The following LINGO2 variants were observed in gnomAD, a reference collection of about 807,000 sequenced individuals.
LINGO2 encodes leucine-rich repeat and immunoglobulin-like domain-containing nogo receptor-interacting protein 2.
In LINGO2, 14 loss-of-function variants were observed where a neutral mutation model predicts 30.6. That is an observed-to-expected ratio of 0.46 (90% confidence interval 0.30 to 0.72). The LOEUF (loss-of-function observed/expected upper bound fraction) is 0.72, where lower values mean the gene tolerates loss of function less well. Among genes scored for constraint, LINGO2 ranks in the 30% least tolerant of loss-of-function variants. The pLI, the probability that LINGO2 is intolerant of heterozygous loss-of-function variation, is 0.07. For synonymous variants in LINGO2, 317 were observed against 288.5 expected, an observed-to-expected ratio of 1.10 and a Z score of -1.00; for missense variants, 729 against 751.7, an observed-to-expected ratio of 0.97 and a Z score of 0.35.
the LINGO2 span, among the ~76,000 whole-genome samples, chr9:28,904,657 T>C: frequency 6.6e-6 from 1 of 152,002 alleles, no homozygotes; most frequent in Admixed American, 6.6e-5. Context: ...GTGAATGGCC[T>C]GTACACTCAA....
At chr9:28,508,460 T>C (rs946389460) in intron 1 of LINGO2, among the ~76,000 whole-genome samples, 1 of 152,048 alleles carries the variant, frequency 6.6e-6, no homozygotes, top group Admixed American at 6.6e-5. Context: ...CTTATCCTCT[T>C]TACTTATTTT....
chr9:28,984,598 G>C, the LINGO2 span, among the ~76,000 whole-genome samples: 1 of 151,938 alleles, frequency 6.6e-6, no homozygotes, highest in Non-Finnish European at 1.5e-5. Flanking sequence ...GAAATAAAAT[G>C]AATGACAGAT....
intron 4 of LINGO2, among the ~76,000 whole-genome samples, chr9:28,027,563 C>A (rs1268115488): frequency 1.3e-5 from 2 of 152,098 alleles, no homozygotes; most frequent in Non-Finnish European, 2.9e-5. Context: ...CTGTCTAATC[C>A]TACAGGTGGA....
the LINGO2 span, among the ~76,000 whole-genome samples, chr9:28,999,543 G>A: frequency 6.6e-6 from 1 of 151,868 alleles, no homozygotes; most frequent in South Asian, 2.1e-4. Context: ...CAGAATTCTT[G>A]TAATAACTTC....
chr9:28,772,692 T>C, the LINGO2 span, among the ~76,000 whole-genome samples: 1 of 152,208 alleles, frequency 6.6e-6, no homozygotes, highest in African/African-American at 2.4e-5. Flanking sequence ...TTAAGAGGGA[T>C]AGGCTTTGTA....
chr9:28,316,809 G>A (rs1024633017), intron 3 of LINGO2, among the ~76,000 whole-genome samples: 7 of 152,100 alleles, frequency 4.6e-5, no homozygotes, highest in Non-Finnish European at 7.4e-5. Flanking sequence ...TCAGAAAGAC[G>A]TTTAATCTGA....
chr9:29,207,293 A>G, the LINGO2 span, among the ~76,000 whole-genome samples: 1 of 152,052 alleles, frequency 6.6e-6, no homozygotes, highest in Non-Finnish European at 1.5e-5. Context: ...CATTTATCAC[A>G]AGGCACTGTT....
At chr9:29,057,354 A>G in the LINGO2 span, among the ~76,000 whole-genome samples, 1 of 152,164 alleles carries the variant, frequency 6.6e-6, no homozygotes, top group African/African-American at 2.4e-5. Flanking sequence ...AGAGTATCTG[A>G]TAGTAAATTG....
intron 4 of LINGO2, among the ~76,000 whole-genome samples, chr9:28,243,283 C>A (rs2133980816): frequency 6.6e-6 from 1 of 151,828 alleles, no homozygotes; most frequent in African/African-American, 2.4e-5. Context: ...ATGGTGAAAC[C>A]CCATCTGTAC....
the LINGO2 span, among the ~76,000 whole-genome samples, chr9:28,717,365 A>C: frequency 1.3e-5 from 2 of 150,684 alleles, no homozygotes; most frequent in Non-Finnish European, 3.0e-5. Context: ...AAAAAGATGA[A>C]GGGGGGATTT....
chr9:28,172,182 G>A (rs972821693), intron 4 of LINGO2, among the ~76,000 whole-genome samples: 4 of 151,110 alleles, frequency 2.6e-5, no homozygotes, highest in African/African-American at 4.9e-5. Context: ...ACGAGGTCAG[G>A]AGATCGAGAC....
At chr9:29,179,175 ATATATATATATATATATATATATATATG>A in the LINGO2 span, among the ~76,000 whole-genome samples, 1 of 49,426 alleles carries the variant, frequency 2.0e-5, no homozygotes, top group South Asian at 6.6e-4. Flanking sequence ...ATATATATAT[ATATATATATATATATATATATATATATG>A]TTTCACTCCT....
the LINGO2 span, among the ~76,000 whole-genome samples, chr9:28,858,574 G>A: frequency 2.0e-5 from 3 of 151,942 alleles, no homozygotes; most frequent in Admixed American, 6.6e-5. Context: ...TAAAATGCGG[G>A]TTTCATCCGG....
At chr9:28,620,247 G>A (rs1311962912) in intron 1 of LINGO2, among the ~76,000 whole-genome samples, 1 of 152,110 alleles carries the variant, frequency 6.6e-6, no homozygotes, top group Non-Finnish European at 1.5e-5. Flanking sequence ...CCGGAAAAGA[G>A]AGGTAAGTAA....
the LINGO2 span, among the ~76,000 whole-genome samples, chr9:28,708,017 T>C: frequency 6.6e-6 from 1 of 152,118 alleles, no homozygotes; most frequent in African/African-American, 2.4e-5. Context: ...AAAGACCTAA[T>C]AAAATGTTCT....
chr9:29,014,100 T>C, the LINGO2 span, among the ~76,000 whole-genome samples: 19 of 152,200 alleles, frequency 1.2e-4, no homozygotes, highest in Admixed American at 2.6e-4. Context: ...AAATAAATTA[T>C]CTGCTACGAG....
chr9:28,558,160 G>A lies in LINGO2; in HGVS notation c.-364-82135C>T, dbSNP rs373315795. 6.3e-3 allele frequency among the ~76,000 whole-genome samples: 895 copies of A among 143,090 alleles called. 4 individuals are homozygous for A. Among genetic ancestry groups the A allele is most frequent in the Admixed American group, 0.013 (188 of 14,536 alleles). The allele number at this position is 143,090 out of a possible 152,430, so 93.9% of individuals were successfully genotyped here. A position where few individuals can be genotyped will look rare whatever the true frequency, so the allele number is the denominator to read the frequency against. ...TTAAAGTATAATAAAAATAAAAATA[G>A]AATAAAACCAAAAAAAAAAAACAAT... On this transcript the variant is annotated intron_variant, in intron 1 of 5. Coordinates refer to ENST00000379992, the Ensembl canonical transcript of LINGO2.
chr9:28,193,432 G>T (rs887076369), intron 4 of LINGO2, among the ~76,000 whole-genome samples: 1 of 151,926 alleles, frequency 6.6e-6, no homozygotes, highest in Non-Finnish European at 1.5e-5. Flanking sequence ...ATAAAATTAA[G>T]CACTAAGTAT....
chr9:28,679,434 G>A, the LINGO2 span, among the ~76,000 whole-genome samples: 2 of 151,992 alleles, frequency 1.3e-5, no homozygotes, highest in African/African-American at 2.4e-5. Flanking sequence ...TCTTGCTGAT[G>A]CTTTTCAGAA....
Sources: gnomAD v4.1 joint callset for allele counts (sites outside exome capture counted in the v4.1 genomes callset) on GRCh38, gnomAD v4.1.1 for gene constraint, MANE v1.5 for transcripts, NCBI Gene and HGNC (gene_info 2026-07-23, HGNC 2026-07-21) for gene names.